The following CSMD1 variants were observed in gnomAD, a reference collection of about 807,000 sequenced individuals.
CSMD1 encodes the protein CUB and sushi domain-containing protein 1.
Under a neutral mutation model 417.5 loss-of-function variants are expected in CSMD1, and 213 were observed. That is an observed-to-expected ratio of 0.51 (90% CI 0.46 to 0.57). The LOEUF is 0.57. Among genes scored for constraint, CSMD1 ranks in the 20% least tolerant of loss-of-function variants. The pLI is 0.00. For missense variants in CSMD1, 6,923 were observed against 4,529.7 expected, an observed-to-expected ratio of 1.53 and a Z score of -15.17; for synonymous variants, 2,862 against 1,736.8, an observed-to-expected ratio of 1.65 and a Z score of -16.11.
intron 1 of CSMD1, among the ~76,000 whole-genome samples, chr8:4,900,459 C>A (rs1273659591): frequency 6.6e-6 from 1 of 152,114 alleles, no homozygotes; most frequent in Non-Finnish European, 1.5e-5. Flanking sequence ...TCAGTTTATC[C>A]AGTCCTCCTA....
rs560203357 is a variant in CSMD1 at position 4,061,287 on chromosome 8, G to T, written c.416-29188C>A. Among the ~76,000 whole-genome samples the T allele has an allele frequency of 2.0e-5, 3 of 152,202 alleles. No individual in the cohort carries two copies. In the South Asian group the frequency reaches 6.2e-4, roughly 32 times the overall value. On this transcript the variant is annotated intron_variant, in intron 3 of 69. Coordinates refer to ENST00000635120, the MANE Select transcript of CSMD1 (RefSeq NM_033225.6). Reference sequence around the variant, plus strand: ...CATGGAATATTGACTTCACAGAGAGGTACATCTTATCATACAAGAATTTCT... The same window carrying T: ...CATGGAATATTGACTTCACAGAGAGTTACATCTTATCATACAAGAATTTCT...
intron 1 of CSMD1, among the ~76,000 whole-genome samples, chr8:4,810,235 G>A (rs557598292): frequency 6.6e-6 from 1 of 152,186 alleles, no homozygotes; most frequent in African/African-American, 2.4e-5. Flanking sequence ...GTAAATGGAT[G>A]CAGATTTTTC....
intron 23 of CSMD1, among the ~76,000 whole-genome samples, chr8:3,320,472 T>C (rs1377441780): frequency 6.6e-6 from 1 of 152,228 alleles, no homozygotes; most frequent in East Asian, 1.9e-4. Context: ...TATAAGGGAT[T>C]ATCAACAATA....
At chr8:4,151,675 G>C (rs1001904201) in intron 3 of CSMD1, among the ~76,000 whole-genome samples, 6 of 152,008 alleles carry the variant, frequency 3.9e-5, no homozygotes, top group African/African-American at 1.2e-4. Flanking sequence ...AACATTATAG[G>C]TGAAAAAAAT....
At chr8:3,077,600 G>A (rs569188343) in intron 49 of CSMD1, among the ~76,000 whole-genome samples, 28 of 152,296 alleles carry the variant, frequency 1.8e-4, no homozygotes, top group Admixed American at 3.3e-4. Context: ...TCCTGTCTCA[G>A]CTATCTCTAC....
chr8:3,173,684 G>A (rs980107289), intron 37 of CSMD1, among the ~76,000 whole-genome samples: 6 of 152,176 alleles, frequency 3.9e-5, no homozygotes, highest in Non-Finnish European at 8.8e-5. Context: ...TCAGTGCACA[G>A]AATGAAATCT....
At chr8:3,701,188 A>G (rs1299941942) in intron 7 of CSMD1, among the ~76,000 whole-genome samples, 2 of 152,062 alleles carry the variant, frequency 1.3e-5, no homozygotes, top group African/African-American at 4.8e-5. Flanking sequence ...GTGGATAGGA[A>G]GTTCTGGCCC....
intron 1 of CSMD1, among the ~76,000 whole-genome samples, chr8:4,698,389 G>C (rs1375926616): frequency 1.3e-5 from 2 of 152,036 alleles, no homozygotes; most frequent in Non-Finnish European, 2.9e-5. Context: ...GAAGGCAAAG[G>C]TTTCTGAGGA....
intron 25 of CSMD1, among the ~76,000 whole-genome samples, chr8:3,301,954 C>T (rs550092463): frequency 6.6e-6 from 1 of 151,972 alleles, no homozygotes; most frequent in South Asian, 2.1e-4. Context: ...TTTTCAGTGT[C>T]TCGTCTAAAG....
At chr8:3,780,426 C>G (rs1211600006) in intron 5 of CSMD1, among the ~76,000 whole-genome samples, 5 of 152,210 alleles carry the variant, frequency 3.3e-5, no homozygotes, top group South Asian at 2.1e-4. Context: ...ACACTGCTGA[C>G]TCACTAGTAA....
At chr8:3,172,492 G>C (rs1820641348) in intron 37 of CSMD1, among the ~76,000 whole-genome samples, 3 of 151,984 alleles carry the variant, frequency 2.0e-5, no homozygotes, top group African/African-American at 7.2e-5. Context: ...CTTTCTAATT[G>C]TGCCCCCACC....
chr8:4,173,001 T>C (rs1460588344), intron 3 of CSMD1, among the ~76,000 whole-genome samples: 28 of 152,112 alleles, frequency 1.8e-4, no homozygotes, highest in Admixed American at 1.7e-3. Context: ...ACAGAAACCT[T>C]GAAATAATAA....
intron 3 of CSMD1, among the ~76,000 whole-genome samples, chr8:4,346,780 G>C (rs555713908): frequency 3.3e-5 from 5 of 152,260 alleles, no homozygotes; most frequent in Admixed American, 6.5e-5. Flanking sequence ...AAGGAGACAA[G>C]TCAGTGGTAA....
intron 3 of CSMD1, among the ~76,000 whole-genome samples, chr8:4,164,728 T>C (rs1481889704): frequency 6.6e-6 from 1 of 152,002 alleles, no homozygotes; most frequent in Non-Finnish European, 1.5e-5. Context: ...GTACTAAAAG[T>C]ATTTAAAAAA....
At chr8:4,875,964 C>T (rs949534622) in intron 1 of CSMD1, among the ~76,000 whole-genome samples, 2 of 151,988 alleles carry the variant, frequency 1.3e-5, no homozygotes, top group African/African-American at 2.4e-5. Flanking sequence ...TGCTATTTTT[C>T]ACATTTTCTT....
At chr8:4,933,848 G>C (rs13249192) in intron 1 of CSMD1, among the ~76,000 whole-genome samples, 48,974 of 151,960 alleles carry the variant, frequency 0.32, 8,614 homozygotes, top group Middle Eastern at 0.4. Flanking sequence ...TTGTACTATA[G>C]ATATTTACAA....
At chr8:3,799,323 T>G (rs1800332591) in intron 5 of CSMD1, among the ~76,000 whole-genome samples, 1 of 151,670 alleles carries the variant, frequency 6.6e-6, no homozygotes, top group South Asian at 2.1e-4. Context: ...TGTACACATG[T>G]GCCATGCTGG....
At chr8:4,686,788 G>C (rs1394208168) in intron 1 of CSMD1, among the ~76,000 whole-genome samples, 1 of 152,204 alleles carries the variant, frequency 6.6e-6, no homozygotes, top group Non-Finnish European at 1.5e-5. Context: ...CTTCGCTTCA[G>C]AGACCCATTT....
intron 3 of CSMD1, among the ~76,000 whole-genome samples, chr8:4,081,796 C>A (rs1408796692): frequency 1.3e-5 from 2 of 151,958 alleles, no homozygotes; most frequent in Non-Finnish European, 2.9e-5. Flanking sequence ...CACTTGAATA[C>A]ACAATGGATC....
Sources: allele counts gnomAD v4.1 joint callset (sites outside exome capture counted in the v4.1 genomes callset), GRCh38; gene constraint gnomAD v4.1.1; transcripts MANE v1.5; gene names NCBI Gene and HGNC (gene_info 2026-07-23, HGNC 2026-07-21).